PCOLCE2: variants seen among roughly 807,000 people sequenced by gnomAD.
PCOLCE2 encodes the protein procollagen C-proteinase enhancer 2.
PCOLCE2 carries 42 observed loss-of-function variants against 47.0 expected under a neutral mutation model. That is an observed-to-expected ratio of 0.89 (90% confidence interval 0.70 to 1.16). The LOEUF (loss-of-function observed/expected upper bound fraction) is 1.16, where lower values mean the gene tolerates loss of function less well. PCOLCE2 is among the 50% of genes most tolerant of loss of function. The probability of loss-of-function intolerance (pLI) is 0.00; values close to 1 mark genes in which losing one functional copy is unlikely to be tolerated. For synonymous variants in PCOLCE2, 169 were observed against 191.7 expected (o/e 0.88, Z 0.98); for missense variants, 500 against 526.1 (o/e 0.95, Z 0.49).
At chr3:142,819,481 A>G (rs1209774448) in intron 8 of PCOLCE2, among the ~76,000 whole-genome samples, 1 of 151,990 alleles carries the variant, frequency 6.6e-6, no homozygotes, top group Non-Finnish European at 1.5e-5. Context: ...GCATTATGAG[A>G]CCTTATAGAA....
intron 2 of PCOLCE2, among the ~76,000 whole-genome samples, chr3:142,856,248 T>C (rs1398680847): frequency 6.6e-6 from 1 of 152,016 alleles, no homozygotes; most frequent in South Asian, 2.1e-4. Flanking sequence ...GGGGAGAAAA[T>C]TCAGAATCAT....
chr3:142,848,631 C>T (rs1937356049), intron 2 of PCOLCE2, among the ~76,000 whole-genome samples, 159 bp from the exon 3 acceptor site: 1 of 152,196 alleles, frequency 6.6e-6, no homozygotes, highest in South Asian at 2.1e-4. Flanking sequence ...TAGCATATTG[C>T]ATTCCTAAAA....
intron 5 of PCOLCE2, among the ~76,000 whole-genome samples, chr3:142,837,306 C>T (rs766353956): frequency 1.3e-5 from 2 of 152,160 alleles, no homozygotes; most frequent in Non-Finnish European, 2.9e-5. Context: ...AGTCGCTGCA[C>T]GTGTGGCAAT....
At chr3:142,820,342 T>C (rs1936999476) in intron 8 of PCOLCE2, among the ~76,000 whole-genome samples, 1 of 152,216 alleles carries the variant, frequency 6.6e-6, no homozygotes. Context: ...ATGAAACATA[T>C]GTTACTTTTA....
intron 6 of PCOLCE2, among the ~76,000 whole-genome samples, chr3:142,823,935 G>A (rs780263017): frequency 1.7e-4 from 26 of 152,284 alleles, no homozygotes; most frequent in Middle Eastern, 3.4e-3. Context: ...TGTGTGCCCT[G>A]TTTAGAAAAA....
At chr3:142,877,171 C>G (rs1933514735) in intron 2 of PCOLCE2, among the ~76,000 whole-genome samples, 1 of 152,186 alleles carries the variant, frequency 6.6e-6, no homozygotes. Flanking sequence ...CAATTTTTAA[C>G]TGACAATCTT....
At chr3:142,871,859 T>A (rs190734896) in intron 2 of PCOLCE2, among the ~76,000 whole-genome samples, 2 of 152,344 alleles carry the variant, frequency 1.3e-5, no homozygotes, top group East Asian at 3.9e-4. Flanking sequence ...CATATTTTTA[T>A]ATACATATAC....
At chr3:142,853,478 C>T (rs1362281491) in intron 2 of PCOLCE2, among the ~76,000 whole-genome samples, 4 of 152,166 alleles carry the variant, frequency 2.6e-5, no homozygotes. Context: ...TGTTGCATCC[C>T]CAGGATCTGG....
chr3:142,856,586 G>A (rs899523421), intron 2 of PCOLCE2, among the ~76,000 whole-genome samples: 3 of 152,206 alleles, frequency 2.0e-5, no homozygotes, highest in Non-Finnish European at 2.9e-5. Context: ...TGGGAAAAAC[G>A]TGAAGGGACA....
chr3:142,843,196 T>C (rs1409870541), intron 3 of PCOLCE2, 148 bp from the exon 4 acceptor site: 12 of 759,318 alleles, frequency 1.6e-5, no homozygotes, highest in Non-Finnish European at 2.6e-5. Context: ...CTTAAACATA[T>C]GGTTACATAC....
intron 2 of PCOLCE2, among the ~76,000 whole-genome samples, chr3:142,879,958 G>A (rs1381355457): frequency 2.8e-4 from 36 of 128,200 alleles, no homozygotes; most frequent in Non-Finnish European, 4.4e-4. Flanking sequence ...GCGACAGAGC[G>A]AGACTCCATC....
chr3:142,843,220 A>G (rs1331378487), intron 3 of PCOLCE2, 172 bp from the exon 4 acceptor site: 2 of 697,104 alleles, frequency 2.9e-6, no homozygotes, highest in Admixed American at 2.0e-5. Context: ...ACCCCCCAAC[A>G]CACACAATGA....
chr3:142,886,045 A>G (rs1047167666), intron 2 of PCOLCE2, among the ~76,000 whole-genome samples: 1 of 152,184 alleles, frequency 6.6e-6, no homozygotes, highest in Non-Finnish European at 1.5e-5. Context: ...CTGGACACAC[A>G]GTTTATGGCG....
intron 8 of PCOLCE2, among the ~76,000 whole-genome samples, chr3:142,819,960 CTT>C (rs1377522255): frequency 6.6e-6 from 1 of 150,482 alleles, no homozygotes; most frequent in African/African-American, 2.4e-5. Flanking sequence ...CTTTCTCTCT[CTT>C]TCTCTCTCTC....
intron 2 of PCOLCE2, among the ~76,000 whole-genome samples, chr3:142,872,750 C>A (rs1578049226): frequency 6.6e-6 from 1 of 152,262 alleles, no homozygotes. Context: ...ATGCCCGTTT[C>A]CCTCATATTT....
At chr3:142,843,448 A>G (rs1937290499) in intron 3 of PCOLCE2, 1 of 360,154 alleles carries the variant, frequency 2.8e-6, no homozygotes. Flanking sequence ...ATTAGTTGAT[A>G]TAGACAGCTC....
At chr3:142,849,329 G>A (rs1326064588) in intron 2 of PCOLCE2, among the ~76,000 whole-genome samples, 1 of 152,148 alleles carries the variant, frequency 6.6e-6, no homozygotes, top group African/African-American at 2.4e-5. Flanking sequence ...CTGACTAAAT[G>A]AACTGAGTAA....
intron 2 of PCOLCE2, among the ~76,000 whole-genome samples, chr3:142,862,677 A>ACAT (rs1466965515): frequency 2.0e-5 from 3 of 152,178 alleles, no homozygotes; most frequent in Non-Finnish European, 2.9e-5. Flanking sequence ...ATAACATTAT[A>ACAT]AAATAATGTA....
chr3:142,874,644 A>G (rs190072855), intron 2 of PCOLCE2, among the ~76,000 whole-genome samples: 1 of 152,316 alleles, frequency 6.6e-6, no homozygotes, highest in East Asian at 1.9e-4. Context: ...TATCATTTCT[A>G]TGCTGTTCTG....
Sources: allele counts gnomAD v4.1 joint callset (sites outside exome capture counted in the v4.1 genomes callset), GRCh38; gene constraint gnomAD v4.1.1; transcripts MANE v1.5; gene names NCBI Gene and HGNC (gene_info 2026-07-23, HGNC 2026-07-21).